PPP2R5E: variants seen among roughly 807,000 people sequenced by gnomAD.
The protein encoded by PPP2R5E is serine/threonine-protein phosphatase 2A 56 kDa regulatory subunit epsilon isoform.
Under a neutral mutation model 65.3 loss-of-function variants are expected in PPP2R5E, and 4 were observed. The observed-to-expected ratio is 0.06, with a 90% CI of 0.03 to 0.14. The LOEUF (loss-of-function observed/expected upper bound fraction) is 0.14, where lower values mean the gene tolerates loss of function less well. Among genes scored for constraint, PPP2R5E ranks in the 10% least tolerant of loss-of-function variants. The pLI is 1.00. For synonymous variants in PPP2R5E, 183 were observed against 187.4 expected, an observed-to-expected ratio of 0.98 and a Z score of 0.19; for missense variants, 274 against 556.1, an observed-to-expected ratio of 0.49 and a Z score of 5.10.
intron 3 of PPP2R5E, among the ~76,000 whole-genome samples, chr14:63,437,355 C>T (rs548561218): frequency 1.3e-5 from 2 of 152,134 alleles, no homozygotes; most frequent in Non-Finnish European, 2.9e-5. Flanking sequence ...AATAAACTTG[C>T]TTTCACTTTA....
At chr14:63,468,216 T>A (rs1889935938) in intron 2 of PPP2R5E, among the ~76,000 whole-genome samples, 1 of 152,248 alleles carries the variant, frequency 6.6e-6, no homozygotes. Context: ...GTTTACTGAA[T>A]ATTTTCCATA....
chr14:63,373,312 A>C lies in PPP2R5E; in HGVS notation c.*2697T>G, dbSNP rs907901353. ...TTATGAAGCAAACAAAATATAACAC[A>C]AAGATGCATTTGTCACAATTAACTC... is the stretch of plus-strand genomic sequence containing the variant. On this transcript the variant is annotated 3_prime_UTR_variant, in exon 14 of 14. Coordinates refer to ENST00000337537, the MANE Select transcript of PPP2R5E (RefSeq NM_006246.5). 8 of 152,226 alleles carry C rather than the reference A, an allele frequency of 5.3e-5. No homozygotes were observed. The highest frequency in any genetic ancestry group is 2.1e-4 in the South Asian group (1 of 4,834). 9.4% of individuals were successfully genotyped at this position (152,226 alleles called of 1,614,324 possible). A position where few individuals can be genotyped will look rare whatever the true frequency, so the allele number is the denominator to read the frequency against.
intron 5 of PPP2R5E, among the ~76,000 whole-genome samples, chr14:63,412,740 T>G (rs1233410564): frequency 6.6e-6 from 1 of 152,148 alleles, no homozygotes; most frequent in African/African-American, 2.4e-5. Flanking sequence ...GAGAAAAGTC[T>G]GGGGATAACT....
chr14:63,530,932 A>T (rs1402580061), intron 2 of PPP2R5E, among the ~76,000 whole-genome samples: 1 of 152,166 alleles, frequency 6.6e-6, no homozygotes, highest in Non-Finnish European at 1.5e-5. Context: ...CTTTTGGCCC[A>T]CATAAAACTC....
intron 4 of PPP2R5E, among the ~76,000 whole-genome samples, chr14:63,420,696 GA>G (rs1459736642): frequency 6.6e-6 from 1 of 152,142 alleles, no homozygotes; most frequent in Admixed American, 6.5e-5. Context: ...AAGTAGGGGG[GA>G]AAAACTCTTA....
At chr14:63,380,758 C>T (rs942213591) in intron 13 of PPP2R5E, among the ~76,000 whole-genome samples, 2 of 152,078 alleles carry the variant, frequency 1.3e-5, no homozygotes, top group African/African-American at 4.8e-5. Flanking sequence ...AAAATCCCAG[C>T]CTCTTCTGAG....
intron 5 of PPP2R5E, among the ~76,000 whole-genome samples, chr14:63,403,916 G>A (rs772473164): frequency 8.5e-5 from 13 of 152,188 alleles, no homozygotes; most frequent in Non-Finnish European, 1.8e-4. Flanking sequence ...CAAATGTAGA[G>A]AGGGAGTTAT....
chr14:63,387,966 C>A (rs1397642870), intron 11 of PPP2R5E, among the ~76,000 whole-genome samples: 1 of 152,182 alleles, frequency 6.6e-6, no homozygotes, highest in East Asian at 1.9e-4. Flanking sequence ...ATGCTGTCAT[C>A]CTGATCTCAA....
intron 2 of PPP2R5E, among the ~76,000 whole-genome samples, chr14:63,532,428 A>G (rs1168702406): frequency 6.6e-6 from 1 of 152,238 alleles, no homozygotes; most frequent in Non-Finnish European, 1.5e-5. Flanking sequence ...TAGCTATTAT[A>G]TTAAATTCAC....
Position 63,504,497 on chromosome 14 carries a change from G to T in PPP2R5E, c.157+35032C>A, listed in dbSNP as rs138110956. ...CTTGGGAGGCTGAGGCAGGAAAATGGCTTGAACCTAGGAGGCGGAGGTTGC... is the reference window on the plus strand; with the variant it reads ...CTTGGGAGGCTGAGGCAGGAAAATGTCTTGAACCTAGGAGGCGGAGGTTGC... On this transcript the variant is annotated intron_variant, in intron 2 of 13. Transcript: ENST00000337537. Among the ~76,000 whole-genome samples the T allele has an allele frequency of 1.3e-3, 205 of 152,260 alleles. 1 individual carries two copies. Among genetic ancestry groups the T allele is most frequent in the African/African-American group, 4.7e-3 (195 of 41,530 alleles).
chr14:63,529,904 C>T (rs1893341952), intron 2 of PPP2R5E, among the ~76,000 whole-genome samples: 1 of 152,170 alleles, frequency 6.6e-6, no homozygotes, highest in African/African-American at 2.4e-5. Flanking sequence ...ATGATGAATG[C>T]TGTTTATGGC....
At chr14:63,396,218 G>GGGAGGA (rs1471513285) in intron 6 of PPP2R5E, among the ~76,000 whole-genome samples, 1 of 69,352 alleles carries the variant, frequency 1.4e-5, no homozygotes, top group African/African-American at 6.0e-5. Flanking sequence ...GAGGAGATGG[G>GGGAGGA]GGAGGAGGAG....
intron 3 of PPP2R5E, among the ~76,000 whole-genome samples, chr14:63,441,086 T>G (rs1594878394): frequency 6.6e-6 from 1 of 152,196 alleles, no homozygotes; most frequent in East Asian, 1.9e-4. Flanking sequence ...TGGTATCTAT[T>G]AGATACTACC....
intron 3 of PPP2R5E, among the ~76,000 whole-genome samples, chr14:63,441,496 A>G (rs1471829947): frequency 1.3e-5 from 2 of 152,234 alleles, no homozygotes. Context: ...TGTACTCTCC[A>G]AGTGAGCAGC....
chr14:63,425,782 CTT>C (rs942832373), intron 3 of PPP2R5E, among the ~76,000 whole-genome samples: 4 of 152,272 alleles, frequency 2.6e-5, no homozygotes, highest in Non-Finnish European at 5.9e-5. Context: ...TTTAAACAAA[CTT>C]CAACATTTTC....
chr14:63,525,025 G>C (rs1317478970), intron 2 of PPP2R5E, among the ~76,000 whole-genome samples: 1 of 152,116 alleles, frequency 6.6e-6, no homozygotes, highest in African/African-American at 2.4e-5. Flanking sequence ...ACCGGCCTAG[G>C]GTCCCACCCC....
chr14:63,394,888 A>C (rs557199321), intron 7 of PPP2R5E, among the ~76,000 whole-genome samples: 35 of 152,366 alleles, frequency 2.3e-4, no homozygotes, highest in African/African-American at 7.7e-4. Context: ...TGCTTTCAAC[A>C]GATAAGGCAA....
At chr14:63,384,394 G>C (rs781313866) in intron 12 of PPP2R5E, 50 bp downstream of exon 12, 3 of 1,576,252 alleles carry the variant, frequency 1.9e-6, no homozygotes, top group Non-Finnish European at 2.6e-6. Flanking sequence ...TGAAGGGAAA[G>C]AAAGAGAGGA....
intron 11 of PPP2R5E, among the ~76,000 whole-genome samples, chr14:63,385,355 G>A (rs916305770): frequency 6.6e-6 from 1 of 152,022 alleles, no homozygotes; most frequent in Non-Finnish European, 1.5e-5. Context: ...AGTCCAGAGT[G>A]GTTCAAGTGG....
Sources: gnomAD v4.1 joint callset for allele counts (sites outside exome capture counted in the v4.1 genomes callset) on GRCh38, gnomAD v4.1.1 for gene constraint, MANE v1.5 for transcripts, NCBI Gene and HGNC (gene_info 2026-07-23, HGNC 2026-07-21) for gene names.